The following MYO3B variants were observed in gnomAD, a reference collection of about 807,000 sequenced individuals.
The protein encoded by MYO3B is myosin IIIB.
A neutral mutation model predicts 174.6 loss-of-function variants in MYO3B; 156 were observed. That is an observed-to-expected ratio of 0.89 (90% CI 0.78 to 1.02). The LOEUF is 1.02. Among genes scored for constraint, MYO3B ranks in the 50% least tolerant of loss-of-function variants. The pLI is 0.00. For missense variants in MYO3B, 1,632 were observed against 1,639.4 expected (o/e 1.00, Z 0.08); for synonymous variants, 563 against 569.1 (o/e 0.99, Z 0.15).
intron 7 of MYO3B, among the ~76,000 whole-genome samples, chr2:170,258,842 T>C (rs1172948902): frequency 6.6e-6 from 1 of 152,150 alleles, no homozygotes; most frequent in Non-Finnish European, 1.5e-5. Flanking sequence ...AAAAGGCTCC[T>C]AGAACTGATA....
At chr2:170,467,963 G>C (rs1340373379) in intron 25 of MYO3B, among the ~76,000 whole-genome samples, 1 of 151,338 alleles carries the variant, frequency 6.6e-6, no homozygotes, top group Non-Finnish European at 1.5e-5. Flanking sequence ...ACATGAATTT[G>C]ACTAGTCAAG....
At chr2:170,462,717 A>G (rs902261259) in intron 23 of MYO3B, among the ~76,000 whole-genome samples, 1 of 152,284 alleles carries the variant, frequency 6.6e-6, no homozygotes, top group Non-Finnish European at 1.5e-5. Context: ...TTGTTGTTGC[A>G]TTATAATAAT....
chr2:170,557,585 G>T (rs959792876), intron 32 of MYO3B, among the ~76,000 whole-genome samples: 4 of 152,166 alleles, frequency 2.6e-5, no homozygotes, highest in African/African-American at 9.7e-5. Context: ...GATGTTACTT[G>T]AGCACCCACT....
In MYO3B at chr2:170,291,057, T is replaced by C. The variant is rs559124433; in HGVS notation, c.750-44328T>C. 5.5e-4 allele frequency among the ~76,000 whole-genome samples: 83 copies of C among 152,182 alleles called. No individual in the cohort carries two copies. In the Middle Eastern group the frequency reaches 0.01, roughly 19 times the overall value. ...CTGAGTCAGGAGTTCGAGACCAGCC[T>C]GGCCAACATGGTGAAACCCCGTCTC... On this transcript the variant is annotated intron_variant, in intron 7 of 34. Transcript: ENST00000408978.
chr2:170,329,553 G>A (rs918855103), intron 7 of MYO3B, among the ~76,000 whole-genome samples: 4 of 136,122 alleles, frequency 2.9e-5, no homozygotes, highest in Non-Finnish European at 6.2e-5. Flanking sequence ...GCTGATTTTT[G>A]TATTTTTTTT....
chr2:170,476,093 G>A (rs539838733), intron 25 of MYO3B, among the ~76,000 whole-genome samples: 19 of 152,116 alleles, frequency 1.2e-4, no homozygotes, highest in African/African-American at 3.9e-4. Flanking sequence ...CAGGACATGC[G>A]ACAAGGGTGT....
In MYO3B at chr2:170,653,201, C is replaced by T. The variant is rs73013564; in HGVS notation, c.*80C>T. ...CTGTCTGTCATTGCGTAAGAAAGCA[C>T]TGATATGGGGTCAGCTTCTTTGGAC... On this transcript the variant is annotated 3_prime_UTR_variant, in exon 35 of 35. Coordinates refer to ENST00000408978, the MANE Select transcript of MYO3B (RefSeq NM_138995.5). 2.4e-3 allele frequency: 3,775 copies of T among 1,553,874 alleles called. 78 individuals are homozygous for T. In the African/African-American group the frequency reaches 0.043, roughly 18 times the overall value.
chr2:170,407,982 C>A, intron 22 of MYO3B, 138 bp downstream of exon 22: 1 of 1,021,420 alleles, frequency 9.8e-7, no homozygotes, highest in Non-Finnish European at 1.4e-6. Flanking sequence ...GGTCTAAATT[C>A]AAGAAAAGGA....
At chr2:170,615,483 A>G (rs1338120055) in intron 32 of MYO3B, among the ~76,000 whole-genome samples, 1 of 152,270 alleles carries the variant, frequency 6.6e-6, no homozygotes, top group Non-Finnish European at 1.5e-5. Context: ...CAAAGCTGGT[A>G]TGTTCCAGAA....
chr2:170,427,405 C>A (rs761434592), intron 22 of MYO3B, among the ~76,000 whole-genome samples: 10 of 152,216 alleles, frequency 6.6e-5, no homozygotes, highest in Non-Finnish European at 1.5e-4. Context: ...AAATCAATGC[C>A]TGTGCTTAAG....
At chr2:170,534,503 T>G (rs1373288796) in intron 30 of MYO3B, among the ~76,000 whole-genome samples, 2 of 152,152 alleles carry the variant, frequency 1.3e-5, no homozygotes, top group Non-Finnish European at 2.9e-5. Context: ...TGGAGTGCAG[T>G]GGAATGATCT....
intron 30 of MYO3B, among the ~76,000 whole-genome samples, chr2:170,541,290 G>A (rs115512909): frequency 1.3e-5 from 2 of 152,166 alleles, no homozygotes; most frequent in Non-Finnish European, 2.9e-5. Flanking sequence ...CCATCCTATA[G>A]GTGTGTCACA....
chr2:170,269,017 T>A (rs2093405406), intron 7 of MYO3B, among the ~76,000 whole-genome samples: 1 of 152,188 alleles, frequency 6.6e-6, no homozygotes, highest in Non-Finnish European at 1.5e-5. Flanking sequence ...GTTTCCTGAA[T>A]CCAGCTCATT....
At chr2:170,406,728 T>A (rs911109940) in intron 21 of MYO3B, among the ~76,000 whole-genome samples, 1 of 152,172 alleles carries the variant, frequency 6.6e-6, no homozygotes, top group African/African-American at 2.4e-5. Context: ...GGAAAAACTT[T>A]TTTTATTTTT....
chr2:170,258,666 G>A (rs1022842373), intron 7 of MYO3B, among the ~76,000 whole-genome samples: 4 of 152,026 alleles, frequency 2.6e-5, no homozygotes, highest in African/African-American at 4.8e-5. Flanking sequence ...TGATGCCCAC[G>A]TTCACTACTT....
At chr2:170,528,795 A>G (rs949182255) in intron 30 of MYO3B, among the ~76,000 whole-genome samples, 6 of 152,204 alleles carry the variant, frequency 3.9e-5, no homozygotes, top group African/African-American at 1.4e-4. Flanking sequence ...CATTTCTTCT[A>G]TATAGCTGAA....
intron 32 of MYO3B, among the ~76,000 whole-genome samples, chr2:170,591,649 A>G (rs555180087): frequency 6.6e-6 from 1 of 152,284 alleles, no homozygotes; most frequent in South Asian, 2.1e-4. Context: ...GAACTTTAGA[A>G]TTAAAAAGGA....
At chr2:170,570,927 A>T (rs1202796928) in intron 32 of MYO3B, among the ~76,000 whole-genome samples, 1 of 152,150 alleles carries the variant, frequency 6.6e-6, no homozygotes, top group Non-Finnish European at 1.5e-5. Flanking sequence ...ATGGAACTCA[A>T]TCTCTGTGAA....
At chr2:170,252,357 A>C (rs2093262547) in intron 7 of MYO3B, among the ~76,000 whole-genome samples, 1 of 152,250 alleles carries the variant, frequency 6.6e-6, no homozygotes, top group African/African-American at 2.4e-5. Context: ...CAAAATTGTA[A>C]GTAAGGAAAG....
Sources: gnomAD v4.1 joint callset for allele counts (sites outside exome capture counted in the v4.1 genomes callset) on GRCh38, gnomAD v4.1.1 for gene constraint, MANE v1.5 for transcripts, NCBI Gene and HGNC (gene_info 2026-07-23, HGNC 2026-07-21) for gene names.